Variants in KCNV1 observed in about 807,000 individuals in gnomAD.
KCNV1 encodes potassium voltage-gated channel modifier subfamily V member 1.
In KCNV1, 2 loss-of-function variants were observed where a neutral mutation model predicts 36.4. The ratio of observed to expected loss-of-function variants is 0.05; its 90% CI spans 0.02 to 0.17. KCNV1 has a LOEUF of 0.17. Among genes scored for constraint, KCNV1 ranks in the 10% least tolerant of loss-of-function variants. KCNV1 has a pLI of 1.00. For missense variants in KCNV1, 321 were observed against 643.6 expected, an observed-to-expected ratio of 0.50 and a Z score of 5.42; for synonymous variants, 280 against 261.1, an observed-to-expected ratio of 1.07 and a Z score of -0.70.
chr8:109,972,331 G>A lies in KCNV1; in HGVS notation c.918C>T (p.Asn306=). 1.9e-6 allele frequency: 3 copies of A among 1,614,128 alleles called. No homozygotes were observed. Among genetic ancestry groups the A allele is most frequent in the Non-Finnish European group, 1.7e-6 (2 of 1,179,998 alleles). The stretch of plus-strand genomic sequence containing the variant: ...TCAACACCTGGACAATGCGCCCCAC[G>A]TTCTCCAGCTCCTGCGTGGTCTGGC... ...SGSQTTQELE[N]VGRIVQVLRL... Residue 306 remains asparagine, a synonymous_variant, in exon 3 of 4, where the codon AAC becomes AAT. Transcript: ENST00000524391. This position sits in a 1 kb window ranked among gnomAD's most constrained non-coding sequence, Gnocchi z 5.2.
At chr8:109,969,461 A>T (rs1178465139) in intron 3 of KCNV1, among the ~76,000 whole-genome samples, 1 of 152,168 alleles carries the variant, frequency 6.6e-6, no homozygotes, top group Non-Finnish European at 1.5e-5. Context: ...CTGCTTTTCC[A>T]TTCCTAGATC....
In KCNV1 at chr8:109,974,020, A is replaced by C; in HGVS notation, c.369T>G (p.His123Gln). ...VLHYYRTGRL[H>Q]VMEQLCALSF... ...AGAGCGCGCACAGCTGCTCCATGAC[A>C]TGCAGGCGGCCGGTGCGGTAGTAGT... is the stretch of plus-strand genomic sequence containing the variant. The change falls in exon 2 of 4, where the codon CAT (histidine) becomes CAG (glutamine). Residue 123 changes from histidine to glutamine, a missense_variant. Transcript: ENST00000524391. This position sits in a 1 kb window ranked among gnomAD's most constrained non-coding sequence, Gnocchi z 6.2. 1.2e-6 allele frequency: 2 copies of C among 1,613,530 alleles called. No individual in the cohort carries two copies. Among genetic ancestry groups the C allele is most frequent in the Non-Finnish European group, 1.7e-6 (2 of 1,179,992 alleles).
intron 3 of KCNV1, among the ~76,000 whole-genome samples, chr8:109,970,086 T>G (rs769788423): frequency 6.6e-6 from 1 of 152,228 alleles, no homozygotes; most frequent in Non-Finnish European, 1.5e-5. Context: ...ATTAGCATAC[T>G]AATCATACTC....
At position 109,974,043 on chromosome 8, in the gene KCNV1, A is replaced by G; in HGVS notation, c.346T>C (p.Tyr116His). 1 of 1,613,466 alleles carries G rather than the reference A, an allele frequency of 6.2e-7. No homozygotes were observed. Among genetic ancestry groups the G allele is most frequent in the Non-Finnish European group, 8.5e-7 (1 of 1,179,944 alleles). The change falls in exon 2 of 4, where the codon TAC becomes CAC. Residue 116 changes from tyrosine to histidine, a missense_variant. Transcript: ENST00000524391. The surrounding 1 kb of genome is among the most constrained non-coding windows in gnomAD (Gnocchi z 6.2). ...SSQAFRYVLH[Y>H]YRTGRLHVME... ...ACATGCAGGCGGCCGGTGCGGTAGTAGTGCAGGACATATCGGAACGCCTGC... is the reference window on the plus strand; with the variant it reads ...ACATGCAGGCGGCCGGTGCGGTAGTGGTGCAGGACATATCGGAACGCCTGC...
rs145463778 is a variant in KCNV1 at position 109,967,893 on chromosome 8, C to G, written c.*195G>C. 5.7e-5 allele frequency: 31 copies of G among 545,276 alleles called. No individual in the cohort carries two copies. In the East Asian group the frequency reaches 9.0e-4, roughly 16 times the overall value. The allele number at this position is 545,276 out of a possible 1,614,324, so 33.8% of individuals were successfully genotyped here. ...GTGTTAATTGGCTATTTTGGACACT[C>G]AAATGTGTCAGAACACTGTGCAGTT... On this transcript the variant is annotated 3_prime_UTR_variant, in exon 4 of 4. Coordinates refer to ENST00000524391, the MANE Select transcript of KCNV1 (RefSeq NM_014379.4).
chr8:109,975,243 T>G (rs1417415911), intron 1 of KCNV1, 51 bp from the exon 2 acceptor site: 1 of 148,570 alleles, frequency 6.7e-6, no homozygotes, highest in Non-Finnish European at 1.5e-5. Context: ...GAAGACCCAG[T>G]GGGTCACTAA....
rs1819936793 is a variant in KCNV1, at chr8:109,965,729, C to A, written c.*2359G>T. 1.3e-5 allele frequency: 2 copies of A among 152,264 alleles called. No homozygotes were observed. The highest frequency in any genetic ancestry group is 4.1e-4 in the South Asian group (2 of 4,826). 9.4% of individuals were successfully genotyped at this position (152,264 alleles called of 1,614,324 possible). A position where few individuals can be genotyped will look rare whatever the true frequency, so the allele number is the denominator to read the frequency against. ...TTTTCTTAAAAGCACCATTCCACCT[C>A]TGAGAATAAGCTGATATTTTACTTA... On this transcript the variant is annotated 3_prime_UTR_variant, in exon 4 of 4. Coordinates refer to ENST00000524391, the MANE Select transcript of KCNV1 (RefSeq NM_014379.4).
At chr8:109,973,855 A>G in intron 2 of KCNV1, 73 bp downstream of exon 2, 1 of 1,255,016 alleles carries the variant, frequency 8.0e-7, no homozygotes, top group Non-Finnish European at 1.1e-6. Context: ...AAAGCCTCAA[A>G]TCTACCTGTG....
Position 109,974,100 on chromosome 8 carries a change from C to A in KCNV1, c.289G>T (p.Val97Leu). ...CGGTCGAAGAAGTACTCGTTGTCCA[C>A]GGGGTTGGCATCGTCGCAAAGCTCC... Reference protein sequence around the residue: ...PLELCDDANPVDNEYFFDRSS... With the variant: ...PLELCDDANPLDNEYFFDRSS... Residue 97 changes from valine to leucine, a missense_variant, in exon 2 of 4, where the codon GTG becomes TTG. Physicochemically the swap from Val to Leu is conservative, Grantham distance 32 (BLOSUM62 1). Transcript: ENST00000524391. This position sits in a 1 kb window ranked among gnomAD's most constrained non-coding sequence, Gnocchi z 6.2. The A allele has an allele frequency of 6.2e-7, 1 of 1,613,232 alleles. No homozygotes were observed. The highest frequency in any genetic ancestry group is 8.5e-7 in the Non-Finnish European group (1 of 1,179,854).
intron 2 of KCNV1, among the ~76,000 whole-genome samples, chr8:109,973,204 A>C (rs2130898704): frequency 6.6e-6 from 1 of 151,884 alleles, no homozygotes; most frequent in Non-Finnish European, 1.5e-5. Flanking sequence ...GGGGTCTCGA[A>C]CTCTTGGCCT....
chr8:109,975,328 C>T (rs1820068674), intron 1 of KCNV1, 136 bp from the exon 2 acceptor site: 1 of 152,354 alleles, frequency 6.6e-6, no homozygotes, highest in African/African-American at 2.4e-5. Flanking sequence ...TTGAGGCACC[C>T]TTCCTTTTAA....
At position 109,972,066 on chromosome 8, in the gene KCNV1, T is replaced by C. The variant is rs1476899453; in HGVS notation, c.991+192A>G. On this transcript the variant is annotated intron_variant, in intron 3 of 3. Coordinates refer to ENST00000524391, the MANE Select transcript of KCNV1 (RefSeq NM_014379.4). This position sits in a 1 kb window ranked among gnomAD's most constrained non-coding sequence, Gnocchi z 5.2. ...TTATGGAGAGGAGGTATGTGAGAGC[T>C]CATTTCTCTATACCTGTGATAGCAA... Among the ~76,000 whole-genome samples, 1 of 152,184 alleles carries C rather than the reference T, an allele frequency of 6.6e-6. No individual in the cohort carries two copies. Among genetic ancestry groups the C allele is most frequent in the Non-Finnish European group, 1.5e-5 (1 of 68,038 alleles).
chr8:109,971,356 C>G (rs1820008295), intron 3 of KCNV1, among the ~76,000 whole-genome samples: 1 of 152,110 alleles, frequency 6.6e-6, no homozygotes, highest in South Asian at 2.1e-4. Context: ...CCTGGGGATC[C>G]TTATTTTCAT....
Position 109,974,160 on chromosome 8 carries a change from G to T in KCNV1, c.229C>A (p.Arg77Ser). Residue 77 changes from arginine to serine, a missense_variant, in exon 2 of 4, where the codon CGC becomes AGC. Arg to Ser is a moderately radical substitution (Grantham distance 110, BLOSUM62 -1). Transcript: ENST00000524391. The surrounding 1 kb of genome is among the most constrained non-coding windows in gnomAD (Gnocchi z 6.2). Reference sequence around the variant, plus strand: ...GGCACGGCGGCCAGGGCCCCGGGGCGGCGGTAGGAAGCCACCACCACGGCC... The same window carrying T: ...GGCACGGCGGCCAGGGCCCCGGGGCTGCGGTAGGAAGCCACCACCACGGCC... ...KLAVVVASYR[R>S]PGALAAVPSP... 1.2e-6 allele frequency: 2 copies of T among 1,603,340 alleles called. No homozygotes were observed. Among genetic ancestry groups the T allele is most frequent in the Non-Finnish European group, 1.7e-6 (2 of 1,175,608 alleles).
chr8:109,970,508 T>C (rs1181919359), intron 3 of KCNV1, among the ~76,000 whole-genome samples: 2 of 152,166 alleles, frequency 1.3e-5, no homozygotes, highest in African/African-American at 2.4e-5. Flanking sequence ...AAGAGATAGC[T>C]TATCTAGTAG....
Position 109,968,677 on chromosome 8 carries a change from T to A in KCNV1, c.992-78A>T. ...TTCCCTCCCCTCCCCTCTCCCTCCTTGCTCTGCCACCCACAAACTGCACTG... is the reference window on the plus strand; with the variant it reads ...TTCCCTCCCCTCCCCTCTCCCTCCTAGCTCTGCCACCCACAAACTGCACTG... On this transcript the variant is annotated intron_variant, in intron 3 of 3. Coordinates refer to ENST00000524391, the MANE Select transcript of KCNV1 (RefSeq NM_014379.4). The surrounding 1 kb of genome is among the most constrained non-coding windows in gnomAD (Gnocchi z 5.3). The A allele has an allele frequency of 3.4e-6, 5 of 1,458,292 alleles. No homozygotes were observed. The highest frequency in any genetic ancestry group is 4.6e-6 in the Non-Finnish European group (5 of 1,080,460). The allele number at this position is 1,458,292 out of a possible 1,614,324, so 90.3% of individuals were successfully genotyped here. A position where few individuals can be genotyped will look rare whatever the true frequency, so the allele number is the denominator to read the frequency against.
rs113449582 is a variant in KCNV1 at position 109,972,979 on chromosome 8, CTT to C, written c.462-194_462-193del. 2.3e-3 allele frequency among the ~76,000 whole-genome samples: 311 copies of C among 134,418 alleles called. 1 individual carries two copies. Among genetic ancestry groups the C allele is most frequent in the East Asian group, 9.5e-3 (44 of 4,622 alleles). The allele number at this position is 134,418 out of a possible 152,430, so 88.2% of individuals were successfully genotyped here. A position where few individuals can be genotyped will look rare whatever the true frequency, so the allele number is the denominator to read the frequency against. On this transcript the variant is annotated intron_variant, in intron 2 of 3. Coordinates refer to ENST00000524391, the MANE Select transcript of KCNV1 (RefSeq NM_014379.4). This position sits in a 1 kb window ranked among gnomAD's most constrained non-coding sequence, Gnocchi z 5.2. Reference sequence around the variant, plus strand: ...TCCCTTAGAATTATGATTATTTTTCCTTTTTTTTTTTTTTTTGAGACGGAGTC... The same window carrying C: ...TCCCTTAGAATTATGATTATTTTTCCTTTTTTTTTTTTTTGAGACGGAGTC...
chr8:109,967,964 G>T lies in KCNV1; in HGVS notation c.*124C>A. The T allele has an allele frequency of 1.1e-6, 1 of 944,506 alleles. No homozygotes were observed. The highest frequency in any genetic ancestry group is 1.5e-6 in the Non-Finnish European group (1 of 646,244). 58.5% of individuals were successfully genotyped at this position (944,506 alleles called of 1,614,324 possible). A position where few individuals can be genotyped will look rare whatever the true frequency, so the allele number is the denominator to read the frequency against. On this transcript the variant is annotated 3_prime_UTR_variant, in exon 4 of 4. Transcript: ENST00000524391. The stretch of plus-strand genomic sequence containing the variant: ...TTCTAGTAGATGAAGCAATATATCA[G>T]CAAAAATTAATTAAGATGAGCAGTA...
In KCNV1 at chr8:109,966,099, A is replaced by G. The variant is rs530321694; in HGVS notation, c.*1989T>C. The G allele has an allele frequency of 1.5e-3, 236 of 152,336 alleles. 1 individual carries two copies. The highest frequency in any genetic ancestry group is 5.4e-3 in the African/African-American group (223 of 41,572). 9.4% of individuals were successfully genotyped at this position (152,336 alleles called of 1,614,324 possible). A position where few individuals can be genotyped will look rare whatever the true frequency, so the allele number is the denominator to read the frequency against. On this transcript the variant is annotated 3_prime_UTR_variant, in exon 4 of 4. Coordinates refer to ENST00000524391, the MANE Select transcript of KCNV1 (RefSeq NM_014379.4). ...ATAAATATTTGTTGAGTTAATAAAT[A>G]TATAAAATATGTATTTTGAAGAGTA...
Sources: allele counts gnomAD v4.1 joint callset (sites outside exome capture counted in the v4.1 genomes callset), GRCh38; gene constraint gnomAD v4.1.1; non-coding constraint Gnocchi (gnomAD v3.1); transcripts MANE v1.5; gene names NCBI Gene and HGNC (gene_info 2026-07-23, HGNC 2026-07-21).